RNF213: variants seen among roughly 807,000 people sequenced by gnomAD.
RNF213 encodes ring finger protein 213.
A neutral mutation model predicts 514.4 loss-of-function variants in RNF213; 341 were observed. That is an observed-to-expected ratio of 0.66 (90% CI 0.61 to 0.73). The LOEUF is 0.73. RNF213 is among the 30% of genes least tolerant of loss of function. RNF213 has a pLI of 0.00. For synonymous variants in RNF213, 2,655 were observed against 2,658.2 expected (o/e 1.00, Z 0.04); for missense variants, 5,767 against 6,615.6 (o/e 0.87, Z 4.45).
intron 43 of RNF213, 29 bp downstream of exon 43, chr17:80,367,877 G>T (rs1473553983): frequency 1.9e-6 from 3 of 1,613,294 alleles, no homozygotes; most frequent in South Asian, 2.2e-5. Flanking sequence ...ATCTGTGAAG[G>T]CGAGAATTCT....
intron 52 of RNF213, 40 bp downstream of exon 52, chr17:80,376,583 AC>A (rs747341031): frequency 5.0e-6 from 8 of 1,612,548 alleles, no homozygotes; most frequent in East Asian, 4.5e-5. Flanking sequence ...TCACTGGAAC[AC>A]CCCCCAGAGC....
intron 51 of RNF213, 75 bp downstream of exon 51, chr17:80,375,945 T>C (rs2079738980): frequency 2.7e-6 from 3 of 1,101,496 alleles, no homozygotes; most frequent in Admixed American, 3.5e-5. Flanking sequence ...ATGAAAGTTA[T>C]CAACACAAAT....
chr17:80,327,897 T>C lies in RNF213; in HGVS notation c.3275T>C (p.Val1092Ala), dbSNP rs2046320308. Residue 1092 changes from valine (V) to alanine (A), a missense_variant, in exon 19 of 68, where the codon GTT becomes GCT. Coordinates refer to ENST00000582970, the MANE Select transcript of RNF213 (RefSeq NM_001256071.3). Reference protein sequence around the residue: ...IAVADSVLTKVVGDLLSGTIL... With the variant: ...IAVADSVLTKAVGDLLSGTIL... ...GTTGCCGACTCTGTGTTGACGAAAG[T>C]TGTTGGTGACCTCCTAAGTGGCACG... 3 of 1,537,228 alleles carry C rather than the reference T, an allele frequency of 2.0e-6. No individual in the cohort carries two copies. The highest frequency in any genetic ancestry group is 2.6e-6 in the Non-Finnish European group (3 of 1,146,894).
chr17:80,299,881 A>G (rs1281206399), intron 11 of RNF213, among the ~76,000 whole-genome samples: 3 of 152,208 alleles, frequency 2.0e-5, no homozygotes, highest in African/African-American at 7.2e-5. Flanking sequence ...TGTTCCTGCA[A>G]AGGACATGAT....
rs1233789651 is a variant in RNF213 at position 80,263,512 on chromosome 17, G to T, written c.-108-62G>T. 1.5e-6 allele frequency: 1 copy of T among 665,222 alleles called. No individual in the cohort carries two copies. Among genetic ancestry groups the T allele is most frequent in the Non-Finnish European group, 2.8e-6 (1 of 360,648 alleles). The allele number at this position is 665,222 out of a possible 1,614,324, so 41.2% of individuals were successfully genotyped here. A position where few individuals can be genotyped will look rare whatever the true frequency, so the allele number is the denominator to read the frequency against. On this transcript the variant is annotated intron_variant, in intron 1 of 67. Transcript: ENST00000582970. This position sits in a 1 kb window ranked among gnomAD's most constrained non-coding sequence, Gnocchi z 4.9. Reference sequence around the variant, plus strand: ...CGGGGAGGGGCTGGGCTTGGGCTGTGCTCCTGTTGGGTTTCCATTAACCAG... The same window carrying T: ...CGGGGAGGGGCTGGGCTTGGGCTGTTCTCCTGTTGGGTTTCCATTAACCAG...
In RNF213 at chr17:80,343,452, T is replaced by A; in HGVS notation, c.6183+127T>A. On this transcript the variant is annotated intron_variant, in intron 27 of 67. Coordinates refer to ENST00000582970, the MANE Select transcript of RNF213 (RefSeq NM_001256071.3). This position sits in a 1 kb window ranked among gnomAD's most constrained non-coding sequence, Gnocchi z 4.3. ...CGCACAGTCCTGTGAAGCTTAACAG[T>A]GGGAATGTGCTCTGAGAAGTGTGTT... 1.1e-6 allele frequency: 1 copy of A among 879,710 alleles called. No homozygotes were observed. The highest frequency in any genetic ancestry group is 1.8e-6 in the Non-Finnish European group (1 of 546,164). The allele number at this position is 879,710 out of a possible 1,614,324, so 54.5% of individuals were successfully genotyped here. A position where few individuals can be genotyped will look rare whatever the true frequency, so the allele number is the denominator to read the frequency against.
In RNF213 at chr17:80,263,677, G is replaced by A; in HGVS notation, c.-5G>A. Reference sequence around the variant, plus strand: ...TGGATCTGCAGGGCAGTCCCAGCAGGACCCATGGAGTGTCCTTCGTGCCAG... The same window carrying A: ...TGGATCTGCAGGGCAGTCCCAGCAGAACCCATGGAGTGTCCTTCGTGCCAG... On this transcript the variant is annotated 5_prime_UTR_variant, in exon 2 of 68. Transcript: ENST00000582970. The surrounding 1 kb of genome is among the most constrained non-coding windows in gnomAD (Gnocchi z 4.9). The A allele has an allele frequency of 2.5e-6, 4 of 1,613,902 alleles. No homozygotes were observed. In the South Asian group the frequency reaches 4.4e-5, roughly 18 times the overall value.
chr17:80,320,027 A>T (rs1487674983), intron 17 of RNF213: 2 of 1,024,328 alleles, frequency 2.0e-6, no homozygotes, highest in Non-Finnish European at 2.3e-6. Flanking sequence ...CTTTGTTGAG[A>T]TATTGTTCGT....
intron 3 of RNF213, 116 bp from the exon 4 acceptor site, chr17:80,287,699 A>T: frequency 1.1e-6 from 1 of 927,246 alleles, no homozygotes; most frequent in Non-Finnish European, 1.7e-6. Flanking sequence ...GATGTTAGGT[A>T]CTTTGGTCGA....
intron 1 of RNF213, among the ~76,000 whole-genome samples, chr17:80,262,663 G>C (rs923890753): frequency 6.6e-6 from 1 of 152,328 alleles, no homozygotes; most frequent in East Asian, 1.9e-4. Flanking sequence ...CTGAGTATGT[G>C]GTTGCTCTGA....
At chr17:80,382,878 C>T (rs549581278) in intron 57 of RNF213, 101 bp from the exon 58 acceptor site, 66 of 749,526 alleles carry the variant, frequency 8.8e-5, no homozygotes, top group South Asian at 6.2e-4. Flanking sequence ...TACCTCAAAA[C>T]GAGTGTTATT....
rs139909020 is a variant in RNF213 at position 80,349,605 on chromosome 17, G to A, written c.9952-165G>A. 1.6e-4 allele frequency among the ~76,000 whole-genome samples: 25 copies of A among 152,274 alleles called. No homozygotes were observed. In the East Asian group the frequency reaches 3.3e-3, roughly 20 times the overall value. ...CCCTGTAGGGCCTCTCGGCCCCAGCGCTGCCGTGTTTTGGGAAACTCCTTT... is the reference window on the plus strand; with the variant it reads ...CCCTGTAGGGCCTCTCGGCCCCAGCACTGCCGTGTTTTGGGAAACTCCTTT... On this transcript the variant is annotated intron_variant, in intron 29 of 67. Transcript: ENST00000582970.
chr17:80,307,156 A>T lies in RNF213; in HGVS notation c.2456A>T (p.Asn819Ile). 1.2e-6 allele frequency: 2 copies of T among 1,613,950 alleles called. No individual in the cohort carries two copies. The highest frequency in any genetic ancestry group is 1.3e-5 in the African/African-American group (1 of 74,992). The change falls in exon 13 of 68, where the codon AAC becomes ATC. Residue 819 changes from asparagine to isoleucine, a missense_variant. By Grantham distance (149) the Asn-to-Ile change is moderately radical. This residue lies in a region of RNF213 where 592 missense variants were observed against 673.9 expected (regional missense o/e 0.88). Transcript: ENST00000582970. The part of the protein sequence containing the change: ...QDVQDVQNVQ[N>I]ILEMLLRLLD... ...GTTCAGGATGTTCAGAACGTTCAGA[A>T]CATTTTAGAAATGCTGTTGCGACTC...
intron 44 of RNF213, among the ~76,000 whole-genome samples, chr17:80,368,890 T>G (rs993159817): frequency 6.6e-6 from 1 of 152,190 alleles, no homozygotes; most frequent in Non-Finnish European, 1.5e-5. Context: ...TTTTCTTTCC[T>G]TCCCCTTCCC....
In RNF213 at chr17:80,345,057, G is replaced by A; in HGVS notation, c.6722G>A (p.Gly2241Asp). Residue 2241 changes from glycine (G) to aspartate (D), a missense_variant, in exon 29 of 68, where the codon GGC becomes GAC. By Grantham distance (94) the Gly-to-Asp change is moderately conservative (BLOSUM62 -1). Around this residue, in one of 13 missense-constraint regions of RNF213, gnomAD observed 1,377 missense variants for 1,635.2 expected, o/e 0.84. Transcript: ENST00000582970. The surrounding 1 kb of genome is among the most constrained non-coding windows in gnomAD (Gnocchi z 6.0). ...ASLFCNPSFIGDTLRGFKKFV... is the reference protein window; with the variant it reads ...ASLFCNPSFIDDTLRGFKKFV... ...CTCTTCTGCAATCCGAGTTTTATTGGCGACACACTGAGGGGCTTCAAGAAG... is the reference window on the plus strand; with the variant it reads ...CTCTTCTGCAATCCGAGTTTTATTGACGACACACTGAGGGGCTTCAAGAAG... 6.2e-7 allele frequency: 1 copy of A among 1,614,040 alleles called. No homozygotes were observed. Among genetic ancestry groups the A allele is most frequent in the Non-Finnish European group, 8.5e-7 (1 of 1,180,010 alleles).
intron 42 of RNF213, among the ~76,000 whole-genome samples, chr17:80,366,087 C>T (rs568220085): frequency 2.6e-5 from 4 of 152,248 alleles, no homozygotes; most frequent in African/African-American, 7.2e-5. Flanking sequence ...ACCCAGCCCC[C>T]GCTGAAGAGC....
chr17:80,383,537 G>C (rs1405489424), intron 58 of RNF213, 140 bp from the exon 59 acceptor site: 4 of 828,134 alleles, frequency 4.8e-6, no homozygotes, highest in Non-Finnish European at 8.0e-6. Flanking sequence ...GAAGATCAAA[G>C]GGAATACCTG....
At chr17:80,392,008 T>G (rs932524429) in intron 67 of RNF213, among the ~76,000 whole-genome samples, 1 of 152,012 alleles carries the variant, frequency 6.6e-6, no homozygotes, top group Non-Finnish European at 1.5e-5. Flanking sequence ...CCTCAAGTGA[T>G]CTGCCCGTCT....
In RNF213 at chr17:80,381,545, A is replaced by T; in HGVS notation, c.13798-2A>T. Reference sequence around the variant, plus strand: ...GAACACTCTGTTCCGTTGCCCCCACAGGCTCTGATAAACATCATTAAGCCT... The same window carrying T: ...GAACACTCTGTTCCGTTGCCCCCACTGGCTCTGATAAACATCATTAAGCCT... On this transcript the variant is annotated splice_acceptor_variant, in intron 56 of 67. Coordinates refer to ENST00000582970, the MANE Select transcript of RNF213 (RefSeq NM_001256071.3). LOFTEE classifies it high-confidence loss of function. The T allele has an allele frequency of 6.2e-7, 1 of 1,614,086 alleles. No homozygotes were observed. The highest frequency in any genetic ancestry group is 8.5e-7 in the Non-Finnish European group (1 of 1,180,004).
Sources: gnomAD v4.1 joint callset for allele counts (sites outside exome capture counted in the v4.1 genomes callset) on GRCh38, gnomAD v4.1.1 for gene constraint, gnomAD v4.1.1 regional missense constraint, Gnocchi (gnomAD v3.1) non-coding constraint, MANE v1.5 for transcripts, NCBI Gene and HGNC (gene_info 2026-07-23, HGNC 2026-07-21) for gene names.